Variants in KCNMA1 observed in about 807,000 individuals in gnomAD.
KCNMA1 encodes Calcium-activated potassium channel subunit alpha-1.
KCNMA1 carries 29 observed loss-of-function variants against 140.0 expected under a neutral mutation model. The observed-to-expected ratio is 0.21, with a 90% CI of 0.15 to 0.28. The LOEUF is 0.28. KCNMA1 is among the 10% of genes least tolerant of loss of function. The pLI, the probability that KCNMA1 is intolerant of heterozygous loss-of-function variation, is 1.00. For synonymous variants in KCNMA1, 612 were observed against 611.9 expected (o/e 1.00, Z 0.00); for missense variants, 880 against 1,602.2 (o/e 0.55, Z 7.70).
In KCNMA1 at chr10:77,306,948, G is replaced by A. The variant is rs117593662; in HGVS notation, c.541-55692C>T. Among the ~76,000 whole-genome samples the A allele has an allele frequency of 5.9e-4, 90 of 152,324 alleles. No homozygotes were observed. The East Asian group carries it at 0.01, about 18-fold the overall frequency. On this transcript the variant is annotated intron_variant, in intron 2 of 27. Coordinates refer to ENST00000286628, the MANE Select transcript of KCNMA1 (RefSeq NM_001161352.2). ...ATCTCATTAGCCAAGGTCAATACCT[G>A]GAAGCCACTCAGAAGCCAGTATTGG...
chr10:77,450,727 C>T (rs2097631937), intron 1 of KCNMA1, among the ~76,000 whole-genome samples: 1 of 152,156 alleles, frequency 6.6e-6, no homozygotes, highest in Non-Finnish European at 1.5e-5. Flanking sequence ...ATCATGAGTA[C>T]AGGGGATAGA....
intron 2 of KCNMA1, among the ~76,000 whole-genome samples, chr10:77,313,388 C>T (rs1017549382): frequency 2.0e-5 from 3 of 152,204 alleles, no homozygotes; most frequent in Non-Finnish European, 4.4e-5. Context: ...TTAAGCCACT[C>T]ACGACAGAGT....
intron 2 of KCNMA1, among the ~76,000 whole-genome samples, chr10:77,307,774 C>A (rs972142228): frequency 2.0e-5 from 3 of 152,154 alleles, no homozygotes; most frequent in Non-Finnish European, 4.4e-5. Context: ...TGGTCTCGAT[C>A]TCCTGACCTC....
chr10:77,216,209 T>C (rs1006214490), intron 3 of KCNMA1, among the ~76,000 whole-genome samples: 3 of 152,160 alleles, frequency 2.0e-5, no homozygotes, highest in Non-Finnish European at 4.4e-5. Context: ...TGTGGAATGA[T>C]TGCCAATTGA....
intron 3 of KCNMA1, among the ~76,000 whole-genome samples, chr10:77,200,052 G>A (rs2154152952): frequency 6.6e-6 from 1 of 152,268 alleles, no homozygotes. Context: ...CCAGGTTCAA[G>A]CGATTCTCCT....
intron 1 of KCNMA1, among the ~76,000 whole-genome samples, chr10:77,505,590 A>G (rs1156867245): frequency 6.6e-6 from 1 of 152,210 alleles, no homozygotes; most frequent in African/African-American, 2.4e-5. Context: ...GGCCATGAAG[A>G]ATGAGTGGAA....
chr10:77,484,203 T>G (rs2098435879), intron 1 of KCNMA1, among the ~76,000 whole-genome samples: 1 of 152,234 alleles, frequency 6.6e-6, no homozygotes, highest in Admixed American at 6.5e-5. Flanking sequence ...AAACTTCTCC[T>G]ATTCAGTTGG....
chr10:76,942,615 A>G (rs2062826674), intron 23 of KCNMA1, among the ~76,000 whole-genome samples: 1 of 152,300 alleles, frequency 6.6e-6, no homozygotes, highest in African/African-American at 2.4e-5. Context: ...TGGCCTTTAT[A>G]TAGGATCTAA....
chr10:77,122,714 A>C (rs1373768717), intron 5 of KCNMA1, among the ~76,000 whole-genome samples: 1 of 152,202 alleles, frequency 6.6e-6, no homozygotes, highest in Non-Finnish European at 1.5e-5. Flanking sequence ...AGATATGAAA[A>C]AATGACTGGA....
At chr10:77,193,478 T>G (rs1390172858) in intron 3 of KCNMA1, among the ~76,000 whole-genome samples, 1 of 152,092 alleles carries the variant, frequency 6.6e-6, no homozygotes, top group Non-Finnish European at 1.5e-5. Context: ...AGCCATCCCT[T>G]TTTTTTAGGG....
chr10:77,568,806 C>A (rs1387742609), intron 1 of KCNMA1, among the ~76,000 whole-genome samples: 8 of 150,946 alleles, frequency 5.3e-5, no homozygotes, highest in Non-Finnish European at 5.9e-5. Flanking sequence ...TCCCTGTTTG[C>A]AGATGACATG....
chr10:77,001,958 CA>C (rs1167971202), intron 18 of KCNMA1, among the ~76,000 whole-genome samples: 2 of 152,094 alleles, frequency 1.3e-5, no homozygotes, highest in African/African-American at 2.4e-5. Flanking sequence ...TACAGGAGGA[CA>C]AAATATACAC....
chr10:77,038,373 C>T (rs2094463183), intron 15 of KCNMA1, among the ~76,000 whole-genome samples: 1 of 152,150 alleles, frequency 6.6e-6, no homozygotes, highest in South Asian at 2.1e-4. Flanking sequence ...TTTTCTTCCT[C>T]AGCCCAGTGA....
chr10:77,576,164 G>A (rs1346554866), intron 1 of KCNMA1, among the ~76,000 whole-genome samples: 2 of 152,114 alleles, frequency 1.3e-5, no homozygotes, highest in Non-Finnish European at 2.9e-5. Flanking sequence ...TCTAACCACC[G>A]TCTGAGGAAC....
At chr10:77,547,066 C>T (rs572677760) in intron 1 of KCNMA1, among the ~76,000 whole-genome samples, 6 of 152,308 alleles carry the variant, frequency 3.9e-5, no homozygotes, top group African/African-American at 7.2e-5. Flanking sequence ...TAACTCCACA[C>T]AGGAACCCAG....
Position 77,200,331 on chromosome 10 carries a change from A to T in KCNMA1, c.603-15415T>A, listed in dbSNP as rs183218206. Among the ~76,000 whole-genome samples, 3 of 152,296 alleles carry T rather than the reference A, an allele frequency of 2.0e-5. No individual in the cohort carries two copies. In the East Asian group the frequency reaches 5.8e-4, roughly 29 times the overall value. Reference sequence around the variant, plus strand: ...AATTCTGGGGACAATATAGAGTAGGAATTGGAAGCAGAAGGTTGTGAAGAC... The same window carrying T: ...AATTCTGGGGACAATATAGAGTAGGTATTGGAAGCAGAAGGTTGTGAAGAC... On this transcript the variant is annotated intron_variant, in intron 3 of 27. Transcript: ENST00000286628.
rs78729981 is a variant in KCNMA1 at position 77,408,064 on chromosome 10, C to T, written c.379-4041G>A. 3.3e-3 allele frequency among the ~76,000 whole-genome samples: 501 copies of T among 152,264 alleles called. 1 individual carries two copies. Among genetic ancestry groups the T allele is most frequent in the Non-Finnish European group, 5.6e-3 (383 of 68,016 alleles). ...CCAGGACAGCTGGGGCAGGGATTCCCGCACAGGGTGGACCCCAGACCCAGT... is the reference window on the plus strand; with the variant it reads ...CCAGGACAGCTGGGGCAGGGATTCCTGCACAGGGTGGACCCCAGACCCAGT... On this transcript the variant is annotated intron_variant, in intron 1 of 27. Transcript: ENST00000286628.
chr10:76,943,006 T>C (rs1293082758), intron 23 of KCNMA1, among the ~76,000 whole-genome samples: 1 of 152,178 alleles, frequency 6.6e-6, no homozygotes, highest in Non-Finnish European at 1.5e-5. Flanking sequence ...GGATGGCCCA[T>C]GAGGTTCTGT....
At chr10:77,158,589 C>T (rs760514544) in intron 5 of KCNMA1, among the ~76,000 whole-genome samples, 4 of 152,140 alleles carry the variant, frequency 2.6e-5, no homozygotes, top group Admixed American at 2.6e-4. Flanking sequence ...CCCTCTCTAG[C>T]TCCATAACTG....
Sources: allele counts gnomAD v4.1 joint callset (sites outside exome capture counted in the v4.1 genomes callset), GRCh38; gene constraint gnomAD v4.1.1; transcripts MANE v1.5; gene names NCBI Gene and HGNC (gene_info 2026-07-23, HGNC 2026-07-21).